Variants in MEGF11 observed in about 807,000 individuals in gnomAD.
MEGF11 encodes the protein multiple EGF like domains 11.
A neutral mutation model predicts 146.6 loss-of-function variants in MEGF11; 126 were observed. The observed-to-expected ratio is 0.86, with a 90% confidence interval of 0.74 to 1.00. The LOEUF (loss-of-function observed/expected upper bound fraction) is 1.00, where lower values mean the gene tolerates loss of function less well. Ranked by LOEUF, MEGF11 falls within the 50% of genes least tolerant of loss-of-function variation. The probability of loss-of-function intolerance (pLI) is 0.00; values close to 1 mark genes in which losing one functional copy is unlikely to be tolerated. For missense variants in MEGF11, 1,509 were observed against 1,521.2 expected, an observed-to-expected ratio of 0.99 and a Z score of 0.13; for synonymous variants, 532 against 583.4, an observed-to-expected ratio of 0.91 and a Z score of 1.27.
intron 5 of MEGF11, among the ~76,000 whole-genome samples, chr15:66,024,320 G>T (rs1412742562): frequency 1.3e-5 from 2 of 152,252 alleles, no homozygotes; most frequent in Non-Finnish European, 2.9e-5. Context: ...TGGGGCGCCC[G>T]GGGCTGCGCC....
Position 66,100,220 on chromosome 15 carries a change from G to T in MEGF11, c.302-5726C>A, listed in dbSNP as rs1456354573. On this transcript the variant is annotated intron_variant, in intron 4 of 25. Coordinates refer to ENST00000395614, the MANE Select transcript of MEGF11 (RefSeq NM_001385028.1). ...TGTGGGCTGGGCTCTGTGGGCAGGG[G>T]TTAGATAGAGGAGTCCAAAATACAG... Among the ~76,000 whole-genome samples the T allele has an allele frequency of 2.6e-5, 4 of 152,234 alleles. 1 individual carries two copies. The highest frequency in any genetic ancestry group is 2.6e-4 in the Admixed American group (4 of 15,294).
chr15:66,192,958 A>C (rs1471816001), intron 1 of MEGF11, among the ~76,000 whole-genome samples: 1 of 152,248 alleles, frequency 6.6e-6, no homozygotes, highest in Non-Finnish European at 1.5e-5. Context: ...GTCAGCACCA[A>C]GGCAGCACCA....
chr15:66,076,646 G>C (rs757389165), intron 5 of MEGF11, among the ~76,000 whole-genome samples: 3 of 152,154 alleles, frequency 2.0e-5, no homozygotes, highest in Non-Finnish European at 2.9e-5. Context: ...CAGGCTGGGA[G>C]TCAGAGATGT....
intron 1 of MEGF11, among the ~76,000 whole-genome samples, chr15:66,147,695 G>A (rs2089424647): frequency 6.6e-6 from 1 of 152,230 alleles, no homozygotes; most frequent in Non-Finnish European, 1.5e-5. Context: ...GGAACTCTAG[G>A]AACAGAGTTT....
intron 1 of MEGF11, among the ~76,000 whole-genome samples, chr15:66,165,007 C>T (rs1373380388): frequency 6.6e-6 from 1 of 152,198 alleles, no homozygotes; most frequent in Non-Finnish European, 1.5e-5. Flanking sequence ...GGGAGACTCC[C>T]GGACAGCAGA....
At chr15:66,011,676 C>T (rs896723489) in intron 5 of MEGF11, among the ~76,000 whole-genome samples, 12 of 151,818 alleles carry the variant, frequency 7.9e-5, no homozygotes, top group South Asian at 2.1e-4. Flanking sequence ...ATGCATGTAG[C>T]GCCCACAGTG....
chr15:66,119,228 C>G (rs1377654658), intron 3 of MEGF11, 42 bp from the exon 4 acceptor site: 1 of 1,302,658 alleles, frequency 7.7e-7, no homozygotes, highest in East Asian at 2.5e-5. Flanking sequence ...TATTGAAAAT[C>G]AATCACTCCC....
At position 66,125,113 on chromosome 15, in the gene MEGF11, G is replaced by A. The variant is rs149011483; in HGVS notation, c.99-1113C>T. On this transcript the variant is annotated intron_variant, in intron 2 of 25. Coordinates refer to ENST00000395614, the MANE Select transcript of MEGF11 (RefSeq NM_001385028.1). ...CTCTCTGATGCCTGAAAGGTCAAAG[G>A]TCTGGCATCCAGAAGGAGGAGGCCA... Among the ~76,000 whole-genome samples, 1,125 of 152,280 alleles carry A rather than the reference G, an allele frequency of 7.4e-3. 11 individuals are homozygous for A. The highest frequency in any genetic ancestry group is 0.026 in the African/African-American group (1,083 of 41,562).
chr15:66,213,609 G>GTC (rs1333793024), intron 1 of MEGF11, among the ~76,000 whole-genome samples: 1 of 150,758 alleles, frequency 6.6e-6, no homozygotes, highest in East Asian at 1.9e-4. Flanking sequence ...AGAGAAGGGG[G>GTC]TCTCGCCATG....
chr15:66,233,966 T>TC (rs2092031961), intron 1 of MEGF11, among the ~76,000 whole-genome samples: 1 of 133,524 alleles, frequency 7.5e-6, no homozygotes, highest in African/African-American at 2.6e-5. Flanking sequence ...TTTTTTTTTT[T>TC]TGAGATGGTG....
At chr15:66,202,282 G>A (rs946645728) in intron 1 of MEGF11, among the ~76,000 whole-genome samples, 6 of 152,202 alleles carry the variant, frequency 3.9e-5, no homozygotes, top group Non-Finnish European at 1.5e-5. Context: ...AGCCATTAGA[G>A]TAATCAATGC....
intron 1 of MEGF11, among the ~76,000 whole-genome samples, chr15:66,134,377 A>G (rs2140983451): frequency 6.6e-6 from 1 of 152,200 alleles, no homozygotes; most frequent in East Asian, 1.9e-4. Context: ...TCCATTTCTC[A>G]CAAAGCAATT....
intron 3 of MEGF11, among the ~76,000 whole-genome samples, chr15:66,123,584 T>C (rs889632250): frequency 1.3e-5 from 2 of 152,182 alleles, no homozygotes; most frequent in Non-Finnish European, 2.9e-5. Flanking sequence ...ACTTCTAGGA[T>C]ACATGTAGAA....
rs202018860 is a variant in MEGF11 at position 65,971,153 on chromosome 15, G to C, written c.763-464C>G. 5.7e-5 allele frequency: 9 copies of C among 157,396 alleles called. No homozygotes were observed. In the East Asian group the frequency reaches 1.7e-3, roughly 29 times the overall value. 9.7% of individuals were successfully genotyped at this position (157,396 alleles called of 1,614,324 possible). On this transcript the variant is annotated intron_variant, in intron 7 of 25. Transcript: ENST00000395614. The stretch of plus-strand genomic sequence containing the variant: ...CTGACATGAGAGTCAAAGGGGTACA[G>C]GTATAAACCCACAAAGAAAAGAGGA...
intron 1 of MEGF11, among the ~76,000 whole-genome samples, chr15:66,169,605 C>T (rs953121284): frequency 1.0e-4 from 16 of 152,388 alleles, no homozygotes; most frequent in African/African-American, 2.4e-4. Flanking sequence ...GCTGTCTCAG[C>T]GAGCACTGAC....
Position 65,916,544 on chromosome 15 carries a change from C to T in MEGF11, c.2216-268G>A, listed in dbSNP as rs931198644. On this transcript the variant is annotated intron_variant, in intron 17 of 25. Transcript: ENST00000395614. Reference sequence around the variant, plus strand: ...TGTGTGGACACAGGCTGCTCCTCCCCACTCTGGGCCCCACTGTCCAAGGAA... The same window carrying T: ...TGTGTGGACACAGGCTGCTCCTCCCTACTCTGGGCCCCACTGTCCAAGGAA... The T allele has an allele frequency of 1.1e-5, 7 of 657,742 alleles. No homozygotes were observed. The African/African-American group carries it at 1.3e-4, about 12-fold the overall frequency. 40.7% of individuals were successfully genotyped at this position (657,742 alleles called of 1,614,324 possible).
At position 66,036,478 on chromosome 15, in the gene MEGF11, C is replaced by T. The variant is rs138157231; in HGVS notation, c.395-53990G>A. Among the ~76,000 whole-genome samples, 682 of 152,336 alleles carry T rather than the reference C, an allele frequency of 4.5e-3. 3 individuals are homozygous for T. Among genetic ancestry groups the T allele is most frequent in the African/African-American group, 0.016 (650 of 41,578 alleles). On this transcript the variant is annotated intron_variant, in intron 5 of 25. Transcript: ENST00000395614. Reference sequence around the variant, plus strand: ...GCATTCCACAGAACTGAATATATATCCCCTTTCCAGGTGATGGACATTTGT... The same window carrying T: ...GCATTCCACAGAACTGAATATATATTCCCTTTCCAGGTGATGGACATTTGT...
In MEGF11 at chr15:66,008,018, C is replaced by T. The variant is rs866969336; in HGVS notation, c.395-25530G>A. Among the ~76,000 whole-genome samples the T allele has an allele frequency of 3.3e-5, 5 of 152,078 alleles. 1 individual carries two copies. Among genetic ancestry groups the T allele is most frequent in the Non-Finnish European group, 5.9e-5 (4 of 68,006 alleles). On this transcript the variant is annotated intron_variant, in intron 5 of 25. Coordinates refer to ENST00000395614, the MANE Select transcript of MEGF11 (RefSeq NM_001385028.1). ...CTGCAGCACCTCCTCCTGCCTCTTC[C>T]AAGGAGGATGTATGGGACAGTGAAG...
At chr15:66,180,971 C>T (rs2090530641) in intron 1 of MEGF11, among the ~76,000 whole-genome samples, 2 of 152,194 alleles carry the variant, frequency 1.3e-5, no homozygotes, top group Admixed American at 1.3e-4. Context: ...CCAGCTCCTC[C>T]GGCTGCGCTC....
Sources: allele counts gnomAD v4.1 joint callset (sites outside exome capture counted in the v4.1 genomes callset), GRCh38; gene constraint gnomAD v4.1.1; transcripts MANE v1.5; gene names NCBI Gene and HGNC (gene_info 2026-07-23, HGNC 2026-07-21).